Variants in ATP2B1 observed in about 807,000 individuals in gnomAD.
The protein encoded by ATP2B1 is plasma membrane calcium-transporting ATPase 1.
Under a neutral mutation model 124.2 loss-of-function variants are expected in ATP2B1, and 14 were observed. The ratio of observed to expected loss-of-function variants is 0.11; its 90% CI spans 0.07 to 0.18. ATP2B1 has a LOEUF of 0.18. Ranked by LOEUF, ATP2B1 falls within the 10% of genes least tolerant of loss-of-function variation. The pLI is 1.00. For missense variants in ATP2B1, 763 were observed against 1,466.1 expected (o/e 0.52, Z 7.83); for synonymous variants, 449 against 492.4 (o/e 0.91, Z 1.17).
rs147561508 is a variant in ATP2B1 at position 89,588,957 on chromosome 12, G to A, written c.*2027C>T. 3.9e-4 allele frequency: 60 copies of A among 152,610 alleles called. No homozygotes were observed. The highest frequency in any genetic ancestry group is 1.4e-3 in the African/African-American group (59 of 41,514). The allele number at this position is 152,610 out of a possible 1,614,324, so 9.5% of individuals were successfully genotyped here. On this transcript the variant is annotated 3_prime_UTR_variant, in exon 21 of 21. Transcript: ENST00000428670. Reference sequence around the variant, plus strand: ...TATTTAGGGTAAATGATTTTCCCAAGATCATGCAGCACATTAATGGCAAAA... The same window carrying A: ...TATTTAGGGTAAATGATTTTCCCAAAATCATGCAGCACATTAATGGCAAAA...
At chr12:89,627,933 T>G (rs1359603617) in intron 6 of ATP2B1, among the ~76,000 whole-genome samples, 1 of 152,210 alleles carries the variant, frequency 6.6e-6, no homozygotes, top group Non-Finnish European at 1.5e-5. Flanking sequence ...GGTGTCTATA[T>G]TTGTTTTATT....
At chr12:89,606,869 C>G (rs1275002386) in intron 15 of ATP2B1, among the ~76,000 whole-genome samples, 6 of 152,094 alleles carry the variant, frequency 3.9e-5, no homozygotes, top group African/African-American at 1.4e-4. Flanking sequence ...AGCCACCATG[C>G]CTGGCCAATG....
intron 14 of ATP2B1, 74 bp from the exon 15 acceptor site, chr12:89,610,117 G>T (rs1028653733): frequency 3.7e-6 from 5 of 1,362,534 alleles, no homozygotes; most frequent in Non-Finnish European, 5.1e-6. Flanking sequence ...ATATCCTGAC[G>T]TCGGTTTTAT....
At chr12:89,627,647 G>A in intron 7 of ATP2B1, 31 bp downstream of exon 7, 1 of 1,608,130 alleles carries the variant, frequency 6.2e-7, no homozygotes, top group South Asian at 1.1e-5. Flanking sequence ...ATGAAAACAA[G>A]CTCACTGTAC....
intron 1 of ATP2B1, among the ~76,000 whole-genome samples, chr12:89,685,427 A>G (rs527819354): frequency 2.0e-5 from 3 of 152,140 alleles, no homozygotes; most frequent in Admixed American, 1.3e-4. Context: ...AGTTTCCCTT[A>G]TTTCAGGGGC....
chr12:89,666,678 T>C (rs751709936), intron 1 of ATP2B1, among the ~76,000 whole-genome samples: 10 of 152,210 alleles, frequency 6.6e-5, no homozygotes, highest in African/African-American at 9.7e-5. Context: ...CTGAGCAATG[T>C]TGGTAAAAGT....
chr12:89,684,515 A>G (rs1391865251), intron 1 of ATP2B1, among the ~76,000 whole-genome samples: 1 of 152,210 alleles, frequency 6.6e-6, no homozygotes, highest in Non-Finnish European at 1.5e-5. Flanking sequence ...ATATACAGAC[A>G]ACATACACAT....
intron 1 of ATP2B1, among the ~76,000 whole-genome samples, chr12:89,665,776 C>G (rs1392470209): frequency 6.6e-6 from 1 of 152,204 alleles, no homozygotes; most frequent in Non-Finnish European, 1.5e-5. Flanking sequence ...TGTCGGCCTA[C>G]TCAGTTCTTA....
At chr12:89,610,541 AAACATAGTTTCTTAAATCCT>A (rs1485191280) in intron 13 of ATP2B1, 33 bp from the exon 14 acceptor site, 1 of 1,545,064 alleles carries the variant, frequency 6.5e-7, no homozygotes, top group South Asian at 1.1e-5. Context: ...AAATATGCCC[AAACATAGTTTCTTAAATCCT>A]AATGAGCTAT....
At chr12:89,616,765 A>G (rs201179154) in intron 12 of ATP2B1, 37 bp downstream of exon 12, 563 of 1,561,118 alleles carry the variant, frequency 3.6e-4, no homozygotes, top group Non-Finnish European at 4.8e-4. Context: ...TATAGTTATG[A>G]GATTCTGCAC....
In ATP2B1 at chr12:89,610,193, C is replaced by A. The variant is rs979344029; in HGVS notation, c.2336-150G>T. 35 of 826,880 alleles carry A rather than the reference C, an allele frequency of 4.2e-5. No homozygotes were observed. The African/African-American group carries it at 5.4e-4, about 13-fold the overall frequency. 51.2% of individuals were successfully genotyped at this position (826,880 alleles called of 1,614,324 possible). A position where few individuals can be genotyped will look rare whatever the true frequency, so the allele number is the denominator to read the frequency against. ...AAATTGCTTAGATGTTGGGTGAGAA[C>A]CTACTTCAGAAACTATGGGTATATT... is the stretch of plus-strand genomic sequence containing the variant. On this transcript the variant is annotated intron_variant, in intron 14 of 20. Coordinates refer to ENST00000428670, the MANE Select transcript of ATP2B1 (RefSeq NM_001366521.1).
At chr12:89,615,560 G>A (rs1441656727) in intron 12 of ATP2B1, among the ~76,000 whole-genome samples, 1 of 152,146 alleles carries the variant, frequency 6.6e-6, no homozygotes, top group African/African-American at 2.4e-5. Flanking sequence ...ATTAGGTTTT[G>A]AATCAATTAG....
intron 13 of ATP2B1, 182 bp from the exon 14 acceptor site, chr12:89,610,690 TGG>T (rs1285226452): frequency 5.4e-6 from 3 of 558,542 alleles, no homozygotes; most frequent in Middle Eastern, 9.4e-4. Flanking sequence ...GCGAATACTG[TGG>T]GGCAGGCCCA....
At chr12:89,621,938 A>ATTT in intron 9 of ATP2B1, 147 bp from the exon 10 acceptor site, 38 of 658,798 alleles carry the variant, frequency 5.8e-5, no homozygotes, top group Non-Finnish European at 6.8e-5. Context: ...TAATACTGAA[A>ATTT]TTTTTTTTTT....
intron 1 of ATP2B1, among the ~76,000 whole-genome samples, chr12:89,680,425 T>C (rs1391211933): frequency 6.6e-6 from 1 of 151,790 alleles, no homozygotes; most frequent in Non-Finnish European, 1.5e-5. Flanking sequence ...GGGAGGAAAT[T>C]GAAAGAAAAA....
chr12:89,664,575 A>G (rs1340239898), intron 1 of ATP2B1, among the ~76,000 whole-genome samples: 4 of 152,262 alleles, frequency 2.6e-5, no homozygotes, highest in African/African-American at 4.8e-5. Flanking sequence ...ACTACAGATT[A>G]GTGGTTCTTA....
At chr12:89,673,568 G>C (rs1168623748) in intron 1 of ATP2B1, among the ~76,000 whole-genome samples, 1 of 152,102 alleles carries the variant, frequency 6.6e-6, no homozygotes, top group Admixed American at 6.6e-5. Context: ...TAGATACATT[G>C]CTATCAACAC....
At chr12:89,601,265 A>G (rs1368715340) in intron 19 of ATP2B1, 61 bp downstream of exon 19, 1 of 1,138,718 alleles carries the variant, frequency 8.8e-7, no homozygotes, top group Non-Finnish European at 1.3e-6. Context: ...AAGAAAATAC[A>G]CACTAGAAAT....
At chr12:89,634,626 C>CA in intron 5 of ATP2B1, 152 bp downstream of exon 5, 1 of 821,364 alleles carries the variant, frequency 1.2e-6, no homozygotes. Context: ...GTCAGCTTAC[C>CA]AAAAAAAGTC....
Sources: allele counts gnomAD v4.1 joint callset (sites outside exome capture counted in the v4.1 genomes callset), GRCh38; gene constraint gnomAD v4.1.1; transcripts MANE v1.5; gene names NCBI Gene and HGNC (gene_info 2026-07-23, HGNC 2026-07-21).